Variants in PDE10A observed in about 807,000 individuals in gnomAD.
PDE10A encodes the protein phosphodiesterase 10A.
Under a neutral mutation model 97.7 loss-of-function variants are expected in PDE10A, and 39 were observed. The observed-to-expected ratio is 0.40, with a 90% confidence interval of 0.31 to 0.52. The LOEUF (loss-of-function observed/expected upper bound fraction) is 0.52, where lower values mean the gene tolerates loss of function less well. Ranked by LOEUF, PDE10A falls within the 20% of genes least tolerant of loss-of-function variation. The pLI is 0.56. For synonymous variants in PDE10A, 371 were observed against 376.8 expected, an observed-to-expected ratio of 0.98 and a Z score of 0.18; for missense variants, 731 against 1,047.8, an observed-to-expected ratio of 0.70 and a Z score of 4.17.
At position 165,582,544 on chromosome 6, in the gene PDE10A, GAAATTT is replaced by G. The variant is rs550865570; in HGVS notation, c.866-38982_866-38977del. ...TTAAATGCACAATGAAAAAACCACT[GAAATTT>G]AAATTTAAGTGGAAGACTGTTAAGA... On this transcript the variant is annotated intron_variant, in intron 1 of 21. Transcript: ENST00000539869. 1.6e-3 allele frequency among the ~76,000 whole-genome samples: 234 copies of G among 150,196 alleles called. 1 individual carries two copies. Among genetic ancestry groups the G allele is most frequent in the African/African-American group, 5.5e-3 (225 of 40,842 alleles).
chr6:165,553,100 TAA>T (rs1562574790), intron 1 of PDE10A, among the ~76,000 whole-genome samples: 1 of 152,212 alleles, frequency 6.6e-6, no homozygotes, highest in African/African-American at 2.4e-5. Flanking sequence ...TTTTTTCATC[TAA>T]AGAGTTTAAA....
intron 1 of PDE10A, among the ~76,000 whole-genome samples, chr6:165,728,503 T>C (rs923970): frequency 0.23 from 35,300 of 152,060 alleles, 5,544 homozygotes; most frequent in African/African-American, 0.43. Context: ...AAAGAATCTG[T>C]TTGCAATTCC....
At chr6:165,713,166 G>C (rs1043842383) in intron 1 of PDE10A, among the ~76,000 whole-genome samples, 3 of 152,212 alleles carry the variant, frequency 2.0e-5, no homozygotes, top group African/African-American at 7.2e-5. Flanking sequence ...CAGCCTTGCA[G>C]TAAAACCACA....
At chr6:165,905,778 G>A (rs1396635821) in intron 1 of PDE10A, among the ~76,000 whole-genome samples, 1 of 151,956 alleles carries the variant, frequency 6.6e-6, no homozygotes, top group Non-Finnish European at 1.5e-5. Context: ...GCCTGGAGCT[G>A]GAAAGACTGC....
intron 1 of PDE10A, among the ~76,000 whole-genome samples, chr6:165,921,977 C>A (rs780775915): frequency 2.6e-5 from 4 of 152,046 alleles, no homozygotes; most frequent in African/African-American, 7.2e-5. Context: ...AGAAGCAAGC[C>A]GGGTGCATGA....
At chr6:165,380,705 T>C (rs544734684) in intron 17 of PDE10A, among the ~76,000 whole-genome samples, 13 of 152,330 alleles carry the variant, frequency 8.5e-5, no homozygotes, top group African/African-American at 3.1e-4. Context: ...CATAGGCTGG[T>C]TAGTGACTGA....
At chr6:165,380,613 C>T (rs1784871813) in intron 17 of PDE10A, among the ~76,000 whole-genome samples, 1 of 152,178 alleles carries the variant, frequency 6.6e-6, no homozygotes, top group African/African-American at 2.4e-5. Flanking sequence ...CACACGACTT[C>T]ACTTTCAAAT....
chr6:165,901,112 C>T lies in PDE10A; in HGVS notation c.-615+86417G>A, dbSNP rs571565895. On this transcript the variant is annotated intron_variant, in intron 1 of 19. Coordinates refer to the PDE10A transcript ENST00000366882. ...ATCCACCGAATTCTCCACCAACAGG[C>T]TTTGATGATTCCGCAGCGAAACATT... Among the ~76,000 whole-genome samples, 6 of 152,350 alleles carry T rather than the reference C, an allele frequency of 3.9e-5. No individual in the cohort carries two copies. In the South Asian group the frequency reaches 8.3e-4, roughly 21 times the overall value.
At chr6:165,565,220 G>C (rs552907872) in intron 1 of PDE10A, among the ~76,000 whole-genome samples, 2 of 151,912 alleles carry the variant, frequency 1.3e-5, no homozygotes, top group Non-Finnish European at 2.9e-5. Flanking sequence ...ATCAACAAAA[G>C]CTTCTTGGAA....
chr6:165,640,676 T>C (rs903451621), intron 1 of PDE10A, among the ~76,000 whole-genome samples: 1 of 152,248 alleles, frequency 6.6e-6, no homozygotes, highest in Admixed American at 6.5e-5. Flanking sequence ...TATCTGGATG[T>C]CAAGTGATTT....
intron 1 of PDE10A, among the ~76,000 whole-genome samples, chr6:165,737,650 G>T (rs529349402): frequency 6.6e-6 from 1 of 152,306 alleles, no homozygotes; most frequent in African/African-American, 2.4e-5. Flanking sequence ...CAACAAGGTG[G>T]TATAGAAGAA....
chr6:165,467,031 T>G (rs1422748287), intron 3 of PDE10A, among the ~76,000 whole-genome samples: 1 of 152,140 alleles, frequency 6.6e-6, no homozygotes, highest in South Asian at 2.1e-4. Context: ...GGAGAAAGAT[T>G]TGGTTGTCTG....
At chr6:165,719,772 G>GA (rs903568477) in intron 1 of PDE10A, among the ~76,000 whole-genome samples, 2 of 152,102 alleles carry the variant, frequency 1.3e-5, no homozygotes, top group African/African-American at 2.4e-5. Context: ...ACAGCATTTG[G>GA]AAAAAAATAG....
In PDE10A at chr6:165,332,880, T is replaced by C. The variant is rs1355540321; in HGVS notation, c.*145A>G. The C allele has an allele frequency of 3.1e-6, 2 of 638,552 alleles. No individual in the cohort carries two copies. The highest frequency in any genetic ancestry group is 5.6e-6 in the Non-Finnish European group (2 of 356,430). 39.6% of individuals were successfully genotyped at this position (638,552 alleles called of 1,614,324 possible). A position where few individuals can be genotyped will look rare whatever the true frequency, so the allele number is the denominator to read the frequency against. On this transcript the variant is annotated 3_prime_UTR_variant, in exon 22 of 22. Coordinates refer to ENST00000539869, the MANE Select transcript of PDE10A (RefSeq NM_001385079.1). ...GGCAGGAAGTCCTCTGCTTGACTTATTTATTTGATGTTACCTTCTTGAAGA... is the reference window on the plus strand; with the variant it reads ...GGCAGGAAGTCCTCTGCTTGACTTACTTATTTGATGTTACCTTCTTGAAGA...
At chr6:165,837,657 T>C (rs933837858) in intron 1 of PDE10A, among the ~76,000 whole-genome samples, 1 of 135,458 alleles carries the variant, frequency 7.4e-6, no homozygotes, top group Non-Finnish European at 1.6e-5. Context: ...ATATCTCTCC[T>C]GGTTTTTTTT....
chr6:165,418,722 TGG>T lies in PDE10A; in HGVS notation c.1707_1708del (p.Asp569GlufsTer2). 1 of 1,613,840 alleles carries T rather than the reference TGG, an allele frequency of 6.2e-7. No homozygotes were observed. The highest frequency in any genetic ancestry group is 8.5e-7 in the Non-Finnish European group (1 of 1,179,838). On this transcript the variant is annotated frameshift_variant, in exon 11 of 22. Coordinates refer to ENST00000539869, the MANE Select transcript of PDE10A (RefSeq NM_001385079.1). LOFTEE classifies it high-confidence loss of function. This position sits in a 1 kb window ranked among gnomAD's most constrained non-coding sequence, Gnocchi z 4.8. Reference sequence around the variant, plus strand: ...GTCTGAATATAACTCCTTGTTCTTATGGTCCACCTGGAAAAGCGCACAACGAT... The same window carrying T: ...GTCTGAATATAACTCCTTGTTCTTATTCCACCTGGAAAAGCGCACAACGAT...
At chr6:165,372,562 C>T (rs1784329403) in intron 18 of PDE10A, among the ~76,000 whole-genome samples, 1 of 149,348 alleles carries the variant, frequency 6.7e-6, no homozygotes, top group Admixed American at 6.7e-5. Flanking sequence ...CAAACCACTG[C>T]TCAATGAAAT....
chr6:165,453,424 G>A (rs1391203859), intron 3 of PDE10A, among the ~76,000 whole-genome samples: 1 of 152,214 alleles, frequency 6.6e-6, no homozygotes, highest in Non-Finnish European at 1.5e-5. Context: ...GACAATGGGA[G>A]AAAGACCATA....
intron 1 of PDE10A, among the ~76,000 whole-genome samples, chr6:165,840,687 C>A (rs952183456): frequency 6.6e-6 from 1 of 152,296 alleles, no homozygotes. Context: ...AAATGGTTAC[C>A]TTGACTCTCC....
Sources: allele counts gnomAD v4.1 joint callset (sites outside exome capture counted in the v4.1 genomes callset), GRCh38; gene constraint gnomAD v4.1.1; non-coding constraint Gnocchi (gnomAD v3.1); transcripts MANE v1.5; gene names NCBI Gene and HGNC (gene_info 2026-07-23, HGNC 2026-07-21).